The following ABCA12 variants were observed in gnomAD, a reference collection of about 807,000 sequenced individuals.
ABCA12 encodes glucosylceramide transporter ABCA12.
ABCA12 carries 156 observed loss-of-function variants against 293.5 expected under a neutral mutation model. The ratio of observed to expected loss-of-function variants is 0.53; its 90% confidence interval spans 0.47 to 0.61. The LOEUF (loss-of-function observed/expected upper bound fraction) is 0.61. Among genes scored for constraint, ABCA12 ranks in the 20% least tolerant of loss-of-function variants. The probability of loss-of-function intolerance (pLI) is 0.00; values close to 1 mark genes in which losing one functional copy is unlikely to be tolerated. For missense variants in ABCA12, 2,797 were observed against 3,090.2 expected (o/e 0.91, Z 2.25); for synonymous variants, 1,063 against 1,108.0 (o/e 0.96, Z 0.81).
At chr2:214,961,638 A>G (rs1699116116) in intron 39 of ABCA12, among the ~76,000 whole-genome samples, 1 of 152,088 alleles carries the variant, frequency 6.6e-6, no homozygotes, top group Non-Finnish European at 1.5e-5. Flanking sequence ...GCTCTGAGTA[A>G]AACACCCTAC....
intron 13 of ABCA12, among the ~76,000 whole-genome samples, chr2:215,018,650 T>G (rs1700558280): frequency 1.3e-5 from 2 of 152,230 alleles, no homozygotes; most frequent in South Asian, 4.1e-4. Flanking sequence ...CGTGTTTAAC[T>G]TCAAACTCTT....
chr2:215,093,452 C>T (rs929692458), intron 2 of ABCA12, among the ~76,000 whole-genome samples: 2 of 152,070 alleles, frequency 1.3e-5, no homozygotes, highest in African/African-American at 4.8e-5. Flanking sequence ...CCCACACTAG[C>T]TCTCCCTAAC....
chr2:215,054,496 A>C, intron 4 of ABCA12, 77 bp downstream of exon 4: 5 of 1,249,066 alleles, frequency 4.0e-6, no homozygotes, highest in Non-Finnish European at 5.9e-6. Flanking sequence ...AAAAGTTTAA[A>C]GTATAAACCT....
At chr2:215,123,267 A>C (rs1702846659) in intron 1 of ABCA12, among the ~76,000 whole-genome samples, 1 of 151,902 alleles carries the variant, frequency 6.6e-6, no homozygotes, top group Non-Finnish European at 1.5e-5. Flanking sequence ...TCCACCTCCT[A>C]GATCCAGTGA....
intron 2 of ABCA12, among the ~76,000 whole-genome samples, chr2:215,073,898 T>C (rs1274801721): frequency 6.6e-6 from 1 of 152,214 alleles, no homozygotes; most frequent in Non-Finnish European, 1.5e-5. Flanking sequence ...AACCAGACTC[T>C]GGGGCCAAAT....
chr2:214,993,427 G>T (rs1354084323), intron 23 of ABCA12, among the ~76,000 whole-genome samples: 2 of 152,178 alleles, frequency 1.3e-5, no homozygotes, highest in Non-Finnish European at 2.9e-5. Flanking sequence ...GCAATTCTTT[G>T]CGTGTACCCT....
chr2:215,069,626 C>G (rs906210902), intron 2 of ABCA12, among the ~76,000 whole-genome samples: 1 of 152,134 alleles, frequency 6.6e-6, no homozygotes, highest in Non-Finnish European at 1.5e-5. Flanking sequence ...TGTTCTCCTT[C>G]GCATGCACCT....
intron 7 of ABCA12, among the ~76,000 whole-genome samples, chr2:215,042,005 GT>G (rs1225036448): frequency 6.6e-6 from 1 of 152,140 alleles, no homozygotes; most frequent in Admixed American, 6.5e-5. Context: ...TCAAGTGATG[GT>G]TTCTAGGGTC....
chr2:215,079,782 G>T (rs755584813), intron 2 of ABCA12, among the ~76,000 whole-genome samples: 6 of 152,236 alleles, frequency 3.9e-5, no homozygotes, highest in Non-Finnish European at 8.8e-5. Context: ...AATGTTTAGG[G>T]AAATAAATGA....
chr2:214,995,748 C>A (rs1008174539), intron 23 of ABCA12, among the ~76,000 whole-genome samples: 19 of 152,088 alleles, frequency 1.2e-4, no homozygotes, highest in African/African-American at 4.3e-4. Context: ...GAGGATGTGC[C>A]ACTATTTTAC....
chr2:215,046,359 T>C (rs1332612338), intron 6 of ABCA12, among the ~76,000 whole-genome samples: 1 of 150,768 alleles, frequency 6.6e-6, no homozygotes, highest in Non-Finnish European at 1.5e-5. Context: ...AGGACTTGGT[T>C]TAGGGTTGCA....
chr2:215,113,336 C>G (rs1288289076), intron 1 of ABCA12, among the ~76,000 whole-genome samples: 1 of 152,180 alleles, frequency 6.6e-6, no homozygotes, highest in Non-Finnish European at 1.5e-5. Flanking sequence ...TCCAAGGAAT[C>G]CTGAGGCACT....
chr2:214,991,114 C>T, intron 23 of ABCA12, 83 bp from the exon 24 acceptor site: 1 of 1,228,108 alleles, frequency 8.1e-7, no homozygotes, highest in South Asian at 1.2e-5. Context: ...GTCAAAATGT[C>T]ATGATAGTCT....
intron 43 of ABCA12, among the ~76,000 whole-genome samples, chr2:214,954,510 A>G (rs1446637650): frequency 1.3e-5 from 2 of 152,202 alleles, no homozygotes; most frequent in Non-Finnish European, 2.9e-5. Flanking sequence ...GAGAGGGACT[A>G]AAATGCTGAA....
At chr2:215,131,271 C>G (rs1055342389) in intron 1 of ABCA12, among the ~76,000 whole-genome samples, 2 of 151,820 alleles carry the variant, frequency 1.3e-5, no homozygotes, top group Non-Finnish European at 2.9e-5. Flanking sequence ...GGGAGCCCTC[C>G]TCTTCGATTT....
chr2:215,095,270 A>G (rs1053323850), intron 2 of ABCA12, among the ~76,000 whole-genome samples: 1 of 152,098 alleles, frequency 6.6e-6, no homozygotes, highest in African/African-American at 2.4e-5. Flanking sequence ...CAACCAAGCA[A>G]GTAATTACAC....
Position 214,958,293 on chromosome 2 carries a change from T to C in ABCA12, c.6101A>G (p.Asn2034Ser). The stretch of plus-strand genomic sequence containing the variant: ...GTTACTCACCATGTCATAAATGAAG[T>C]TTGTTACCCAGTAGCATGTCACGCC... The part of the protein sequence containing the change: ...GIGVTCYWVT[N>S]FIYDMVFYLV... The change falls in exon 41 of 53, where the codon AAC (asparagine) becomes AGC (serine). Residue 2034 changes from asparagine (N) to serine (S), a missense_variant. Transcript: ENST00000272895. 6.2e-7 allele frequency: 1 copy of C among 1,613,962 alleles called. No individual in the cohort carries two copies.
chr2:215,053,555 G>C (rs530943033), intron 4 of ABCA12, among the ~76,000 whole-genome samples: 110 of 152,084 alleles, frequency 7.2e-4, no homozygotes, highest in African/African-American at 2.1e-3. Context: ...CTCAGCCAAA[G>C]ACCCACAGAT....
chr2:215,069,356 G>A (rs1263131249), intron 2 of ABCA12, among the ~76,000 whole-genome samples: 1 of 152,008 alleles, frequency 6.6e-6, no homozygotes, highest in East Asian at 1.9e-4. Context: ...CAAGAGTACA[G>A]AATGAGAGAA....
Sources: allele counts gnomAD v4.1 joint callset (sites outside exome capture counted in the v4.1 genomes callset), GRCh38; gene constraint gnomAD v4.1.1; transcripts MANE v1.5; gene names NCBI Gene and HGNC (gene_info 2026-07-23, HGNC 2026-07-21).